RBM20: variants seen among roughly 807,000 people sequenced by gnomAD.
RBM20 encodes the protein RNA-binding protein 20.
Under a neutral mutation model 110.1 loss-of-function variants are expected in RBM20, and 51 were observed. The ratio of observed to expected loss-of-function variants is 0.46; its 90% CI spans 0.37 to 0.59. The LOEUF (loss-of-function observed/expected upper bound fraction) is 0.59, where lower values mean the gene tolerates loss of function less well. RBM20 is among the 20% of genes least tolerant of loss of function. The probability of loss-of-function intolerance (pLI) is 0.00; values close to 1 mark genes in which losing one functional copy is unlikely to be tolerated. For missense variants in RBM20, 1,512 were observed against 1,574.9 expected (o/e 0.96, Z 0.68); for synonymous variants, 589 against 618.2 (o/e 0.95, Z 0.70).
chr10:110,835,623 C>A, intron 13 of RBM20: 1 of 295,576 alleles, frequency 3.4e-6, no homozygotes, highest in South Asian at 7.1e-5. Context: ...GTGTGAGACA[C>A]CACGCTCGGC....
rs182867835 is a variant in RBM20 at position 110,814,574 on chromosome 10, C to T, written c.2550+1627C>T. Among the ~76,000 whole-genome samples the T allele has an allele frequency of 9.0e-4, 137 of 152,192 alleles. 2 individuals are homozygous for T. Among genetic ancestry groups the T allele is most frequent in the Admixed American group, 8.8e-3 (135 of 15,298 alleles). On this transcript the variant is annotated intron_variant, in intron 9 of 13. Coordinates refer to ENST00000369519, the MANE Select transcript of RBM20 (RefSeq NM_001134363.3). Reference sequence around the variant, plus strand: ...GCAGTGGTGTGATCTCAGCTCACGGCAACCTCTGCCTCCTAGGTTCAAGCA... The same window carrying T: ...GCAGTGGTGTGATCTCAGCTCACGGTAACCTCTGCCTCCTAGGTTCAAGCA...
intron 1 of RBM20, among the ~76,000 whole-genome samples, chr10:110,767,186 A>C (rs532336661): frequency 3.7e-5 from 3 of 80,226 alleles, no homozygotes; most frequent in South Asian, 4.6e-4. Flanking sequence ...CCTCCCTCCC[A>C]GACGGGGCGG....
At chr10:110,684,659 G>A (rs1055744989) in intron 1 of RBM20, among the ~76,000 whole-genome samples, 5 of 152,174 alleles carry the variant, frequency 3.3e-5, no homozygotes, top group African/African-American at 1.2e-4. Flanking sequence ...CACTCATAAT[G>A]GGAAATTGCA....
chr10:110,803,136 CA>C (rs1451387111), intron 7 of RBM20, among the ~76,000 whole-genome samples: 2 of 152,128 alleles, frequency 1.3e-5, no homozygotes, highest in Non-Finnish European at 2.9e-5. Context: ...AGTTTACATA[CA>C]TTATTTAATC....
intron 5 of RBM20, among the ~76,000 whole-genome samples, chr10:110,786,023 A>G (rs1170545749): frequency 6.6e-6 from 1 of 152,004 alleles, no homozygotes; most frequent in Admixed American, 6.6e-5. Flanking sequence ...TGCAACATAC[A>G]TTTTCGTCCT....
chr10:110,740,730 C>A (rs571854897), intron 1 of RBM20, among the ~76,000 whole-genome samples: 1 of 152,248 alleles, frequency 6.6e-6, no homozygotes, highest in South Asian at 2.1e-4. Flanking sequence ...TCCCCTTACT[C>A]AGTAGGATGG....
intron 1 of RBM20, among the ~76,000 whole-genome samples, chr10:110,734,623 T>A (rs1416985746): frequency 9.6e-4 from 145 of 151,118 alleles, no homozygotes; most frequent in East Asian, 4.1e-3. Flanking sequence ...TCCCTCTTTT[T>A]TTTTTTTTTT....
At chr10:110,693,454 T>C (rs1862618874) in intron 1 of RBM20, among the ~76,000 whole-genome samples, 1 of 152,224 alleles carries the variant, frequency 6.6e-6, no homozygotes, top group Admixed American at 6.5e-5. Flanking sequence ...TATCGGTCTT[T>C]TCATATTTTC....
chr10:110,685,558 A>G (rs1266134858), intron 1 of RBM20, among the ~76,000 whole-genome samples: 1 of 152,242 alleles, frequency 6.6e-6, no homozygotes, highest in African/African-American at 2.4e-5. Context: ...CTAGTAGTCC[A>G]TACTGAGAGG....
intron 7 of RBM20, among the ~76,000 whole-genome samples, chr10:110,803,358 A>C (rs1844654068): frequency 6.6e-6 from 1 of 152,174 alleles, no homozygotes; most frequent in African/African-American, 2.4e-5. Flanking sequence ...AAAACCTGAG[A>C]AATCAGGTAA....
intron 7 of RBM20, among the ~76,000 whole-genome samples, chr10:110,809,832 A>T (rs761397851): frequency 6.6e-6 from 1 of 152,204 alleles, no homozygotes; most frequent in Non-Finnish European, 1.5e-5. Context: ...GTGACCTTGA[A>T]GTGTTCCTTA....
At chr10:110,744,687 T>G (rs2134974215) in intron 1 of RBM20, among the ~76,000 whole-genome samples, 1 of 152,326 alleles carries the variant, frequency 6.6e-6, no homozygotes, top group Non-Finnish European at 1.5e-5. Flanking sequence ...AAAGAGCCAG[T>G]CCCTATTTCA....
intron 1 of RBM20, among the ~76,000 whole-genome samples, chr10:110,763,689 C>A (rs186623135): frequency 6.9e-6 from 1 of 145,614 alleles, no homozygotes; most frequent in Non-Finnish European, 1.5e-5. Context: ...TCTAAGTAAT[C>A]AAACTCTGAA....
chr10:110,646,500 C>T (rs1484815264), intron 1 of RBM20, among the ~76,000 whole-genome samples: 1 of 152,186 alleles, frequency 6.6e-6, no homozygotes, highest in Non-Finnish European at 1.5e-5. Context: ...CATGGCTTTG[C>T]TTGCTTTACA....
chr10:110,822,783 G>T (rs190138019), intron 11 of RBM20, among the ~76,000 whole-genome samples: 2 of 152,248 alleles, frequency 1.3e-5, no homozygotes, highest in Admixed American at 1.3e-4. Context: ...TAACTGGGAG[G>T]CTTGGGATTT....
intron 5 of RBM20, among the ~76,000 whole-genome samples, chr10:110,788,434 T>C (rs1844446794): frequency 6.6e-6 from 1 of 152,248 alleles, no homozygotes; most frequent in African/African-American, 2.4e-5. Context: ...AGCATTTGTC[T>C]GGTTTTATCA....
At chr10:110,680,922 A>G (rs1862414742) in intron 1 of RBM20, among the ~76,000 whole-genome samples, 3 of 149,808 alleles carry the variant, frequency 2.0e-5, no homozygotes, top group Admixed American at 2.0e-4. Context: ...TTTCTTTTCC[A>G]CTTCTTTCTT....
chr10:110,687,571 A>G (rs1451177334), intron 1 of RBM20, among the ~76,000 whole-genome samples: 1 of 152,230 alleles, frequency 6.6e-6, no homozygotes, highest in Non-Finnish European at 1.5e-5. Context: ...AAGTTTTCCC[A>G]GTTAATTAGT....
At chr10:110,663,889 C>T (rs1862141477) in intron 1 of RBM20, among the ~76,000 whole-genome samples, 1 of 152,132 alleles carries the variant, frequency 6.6e-6, no homozygotes, top group Non-Finnish European at 1.5e-5. Flanking sequence ...TATATATCCA[C>T]ACACACCCAC....
Sources: gnomAD v4.1 joint callset for allele counts (sites outside exome capture counted in the v4.1 genomes callset) on GRCh38, gnomAD v4.1.1 for gene constraint, MANE v1.5 for transcripts, NCBI Gene and HGNC (gene_info 2026-07-23, HGNC 2026-07-21) for gene names.